Variants in PODXL2 observed in about 807,000 individuals in gnomAD.
The protein encoded by PODXL2 is podocalyxin-like protein 2.
PODXL2 carries 17 observed loss-of-function variants against 53.4 expected under a neutral mutation model. That is an observed-to-expected ratio of 0.32 (90% CI 0.22 to 0.48). The LOEUF is 0.48. Ranked by LOEUF, PODXL2 falls within the 20% of genes least tolerant of loss-of-function variation. The probability of loss-of-function intolerance (pLI) is 0.99; values close to 1 mark genes in which losing one functional copy is unlikely to be tolerated. For synonymous variants in PODXL2, 311 were observed against 306.7 expected, an observed-to-expected ratio of 1.01 and a Z score of -0.15; for missense variants, 673 against 760.0, an observed-to-expected ratio of 0.89 and a Z score of 1.35.
intron 1 of PODXL2, among the ~76,000 whole-genome samples, chr3:127,630,653 C>T (rs1389548972): frequency 1.3e-5 from 2 of 152,118 alleles, no homozygotes; most frequent in African/African-American, 4.8e-5. Context: ...GTCCCTCGCA[C>T]ATTCCTGTGC....
At chr3:127,644,591 C>A (rs915486094) in intron 2 of PODXL2, among the ~76,000 whole-genome samples, 33 of 152,226 alleles carry the variant, frequency 2.2e-4, no homozygotes, top group Admixed American at 2.1e-3. Flanking sequence ...GTCCTCCCCC[C>A]TCCCCAGGGG....
intron 6 of PODXL2, among the ~76,000 whole-genome samples, chr3:127,670,233 A>C (rs932943628): frequency 6.6e-6 from 1 of 152,194 alleles, no homozygotes; most frequent in Non-Finnish European, 1.5e-5. Flanking sequence ...TGAGAGCTGA[A>C]GCGGGAGAGG....
At chr3:127,639,116 G>A in intron 1 of PODXL2, 129 bp from the exon 2 acceptor site, 1 of 934,248 alleles carries the variant, frequency 1.1e-6, no homozygotes, top group South Asian at 1.8e-5. Flanking sequence ...AAGCCTCTGG[G>A]TTTTCAGGAG....
intron 2 of PODXL2, among the ~76,000 whole-genome samples, chr3:127,657,141 G>A (rs868099608): frequency 1.3e-4 from 20 of 152,316 alleles, no homozygotes; most frequent in Middle Eastern, 3.4e-3. Flanking sequence ...TGCCGACAGC[G>A]TGACTGATGA....
chr3:127,670,072 CTGG>C (rs559102491), intron 6 of PODXL2, among the ~76,000 whole-genome samples: 16 of 152,324 alleles, frequency 1.1e-4, no homozygotes, highest in Admixed American at 2.0e-4. Context: ...AGCAGAGGCC[CTGG>C]TGGTGGTGCT....
At chr3:127,641,704 C>T (rs951748867) in intron 2 of PODXL2, among the ~76,000 whole-genome samples, 7 of 151,522 alleles carry the variant, frequency 4.6e-5, no homozygotes, top group African/African-American at 1.5e-4. Flanking sequence ...TTAGTAGAGA[C>T]AGGGTTTCTC....
chr3:127,672,407 G>C lies in PODXL2; in HGVS notation c.1745G>C (p.Ser582Thr). 6.5e-7 allele frequency: 1 copy of C among 1,543,088 alleles called. No individual in the cohort carries two copies. Among genetic ancestry groups the C allele is most frequent in the Non-Finnish European group, 8.7e-7 (1 of 1,145,800 alleles). ...GGCGGGGCCCTCAACGGCCCGGGGA[G>C]CTGGGGGGCGCTCATGGGGGGCAAG... ...NGGGALNGPG[S>T]WGALMGGKRD... is the part of the protein sequence containing the mutation. The change falls in exon 8 of 8, where the codon AGC becomes ACC. Residue 582 changes from serine to threonine, a missense_variant. Ser to Thr is a moderately conservative substitution (Grantham distance 58). Around this residue, in one of 3 missense-constraint regions of PODXL2, gnomAD observed 79 missense variants for 70.5 expected, o/e 1.12. Coordinates refer to ENST00000342480, the MANE Select transcript of PODXL2 (RefSeq NM_015720.4).
At chr3:127,643,636 T>A (rs1232374385) in intron 2 of PODXL2, among the ~76,000 whole-genome samples, 1 of 152,156 alleles carries the variant, frequency 6.6e-6, no homozygotes, top group African/African-American at 2.4e-5. Flanking sequence ...ATTCTTTTTT[T>A]AAAATTATTT....
chr3:127,663,704 G>C (rs934844677), intron 4 of PODXL2, among the ~76,000 whole-genome samples: 1 of 152,154 alleles, frequency 6.6e-6, no homozygotes, highest in Non-Finnish European at 1.5e-5. Context: ...TTGCTTCCTT[G>C]CTTTCTGGCA....
rs530304663 is a variant in PODXL2, at chr3:127,649,747, G to A, written c.349+10224G>A. Among the ~76,000 whole-genome samples, 94 of 152,306 alleles carry A rather than the reference G, an allele frequency of 6.2e-4. 2 individuals carry two copies. The highest frequency in any genetic ancestry group is 6.0e-3 in the Admixed American group (92 of 15,288). On this transcript the variant is annotated intron_variant, in intron 2 of 7. Transcript: ENST00000342480. ...AGGTGAGGAGTTCGAGACCAGCCTGGCCAACATGGTGAAACCCCGTCTCTA... is the reference window on the plus strand; with the variant it reads ...AGGTGAGGAGTTCGAGACCAGCCTGACCAACATGGTGAAACCCCGTCTCTA...
intron 4 of PODXL2, among the ~76,000 whole-genome samples, chr3:127,665,091 G>A (rs2074788646): frequency 6.6e-6 from 1 of 152,128 alleles, no homozygotes; most frequent in African/African-American, 2.4e-5. Flanking sequence ...ACTATTATCT[G>A]ATTACCTACC....
chr3:127,653,653 A>G (rs1356003256), intron 2 of PODXL2, among the ~76,000 whole-genome samples: 2 of 141,550 alleles, frequency 1.4e-5, no homozygotes, highest in South Asian at 2.3e-4. Flanking sequence ...CTCAAAAAAG[A>G]AAAAAAAAAA....
In PODXL2 at chr3:127,672,397, G is replaced by C; in HGVS notation, c.1735G>C (p.Gly579Arg). The C allele has an allele frequency of 6.5e-7, 1 of 1,544,150 alleles. No individual in the cohort carries two copies. Among genetic ancestry groups the C allele is most frequent in the Non-Finnish European group, 8.7e-7 (1 of 1,146,040 alleles). Reference sequence around the variant, plus strand: ...CCTGAACGGCGGCGGGGCCCTCAACGGCCCGGGGAGCTGGGGGGCGCTCAT... The same window carrying C: ...CCTGAACGGCGGCGGGGCCCTCAACCGCCCGGGGAGCTGGGGGGCGCTCAT... ...PSLNGGGALN[G>R]PGSWGALMGG... The change falls in exon 8 of 8, where the codon GGC becomes CGC. Residue 579 changes from glycine (G) to arginine (R), a missense_variant. This residue lies in a region of PODXL2 where 79 missense variants were observed against 70.5 expected (regional missense o/e 1.12). Transcript: ENST00000342480.
intron 2 of PODXL2, among the ~76,000 whole-genome samples, chr3:127,651,080 C>T: frequency 6.6e-6 from 1 of 152,174 alleles, no homozygotes; most frequent in East Asian, 1.9e-4. Context: ...GCCTGACCAA[C>T]ATGGTGAAAC....
chr3:127,636,445 A>G (rs940307742), intron 1 of PODXL2, among the ~76,000 whole-genome samples: 1 of 152,244 alleles, frequency 6.6e-6, no homozygotes, highest in African/African-American at 2.4e-5. Flanking sequence ...ATCCTCTCCC[A>G]GGAACAAAGG....
intron 3 of PODXL2, among the ~76,000 whole-genome samples, chr3:127,661,964 C>T (rs1333606562): frequency 6.6e-6 from 1 of 152,202 alleles, no homozygotes; most frequent in East Asian, 1.9e-4. Context: ...CTCTCTGCAG[C>T]CTGGCCCCTT....
chr3:127,632,471 G>T (rs1473603898), intron 1 of PODXL2, among the ~76,000 whole-genome samples: 1 of 152,246 alleles, frequency 6.6e-6, no homozygotes, highest in Non-Finnish European at 1.5e-5. Flanking sequence ...CTGGAGGTTG[G>T]AGCATGCAGA....
chr3:127,658,432 T>C (rs1197794428), intron 2 of PODXL2, among the ~76,000 whole-genome samples: 1 of 151,002 alleles, frequency 6.6e-6, no homozygotes, highest in Non-Finnish European at 1.5e-5. Context: ...TTTTTTGGTT[T>C]CTTAAATAAC....
chr3:127,669,816 G>A (rs576658349), intron 6 of PODXL2, among the ~76,000 whole-genome samples: 245 of 152,262 alleles, frequency 1.6e-3, no homozygotes, highest in Non-Finnish European at 2.9e-3. Context: ...CCCAGCTGCC[G>A]CACAAGCTTG....
Sources: allele counts gnomAD v4.1 joint callset (sites outside exome capture counted in the v4.1 genomes callset), GRCh38; gene constraint gnomAD v4.1.1; regional missense constraint gnomAD v4.1.1; transcripts MANE v1.5; gene names NCBI Gene and HGNC (gene_info 2026-07-23, HGNC 2026-07-21).